Variants in IRX2 observed in about 807,000 individuals in gnomAD.
The protein encoded by IRX2 is iroquois-class homeodomain protein IRX-2.
IRX2 carries 26 observed loss-of-function variants against 42.9 expected under a neutral mutation model. The ratio of observed to expected loss-of-function variants is 0.61; its 90% CI spans 0.44 to 0.84. IRX2 has a LOEUF of 0.84. Ranked by LOEUF, IRX2 falls within the 40% of genes least tolerant of loss-of-function variation. The pLI is 0.00. For missense variants in IRX2, 782 were observed against 713.9 expected (o/e 1.10, Z -1.09); for synonymous variants, 424 against 353.9 (o/e 1.20, Z -2.22).
chr5:2,738,485 A>G, the IRX2 span, among the ~76,000 whole-genome samples: 1 of 151,946 alleles, frequency 6.6e-6, no homozygotes, highest in Admixed American at 6.6e-5. Flanking sequence ...AAGGAGCCTG[A>G]TTCGCCCCCC....
Position 2,746,408 on chromosome 5 carries a change from C to A in IRX2, c.*1156G>T, listed in dbSNP as rs1396342461. 1 of 152,182 alleles carries A rather than the reference C, an allele frequency of 6.6e-6. No individual in the cohort carries two copies. Among genetic ancestry groups the A allele is most frequent in the African/African-American group, 2.4e-5 (1 of 41,450 alleles). 9.4% of individuals were successfully genotyped at this position (152,182 alleles called of 1,614,324 possible). The stretch of plus-strand genomic sequence containing the variant: ...CTGAAGTACTCAAGTTCTTCCATCA[C>A]GTTTTATTTCTACTGTGTACATCTT... On this transcript the variant is annotated 3_prime_UTR_variant, in exon 4 of 4. Coordinates refer to ENST00000302057, the MANE Select transcript of IRX2 (RefSeq NM_033267.5).
At chr5:2,743,550 G>C (rs1737591240), downstream of IRX2, among the ~76,000 whole-genome samples, 1 of 152,192 alleles carries the variant, frequency 6.6e-6, no homozygotes, top group African/African-American at 2.4e-5. Flanking sequence ...CCGGGAGCGC[G>C]CCCAGGCCTG....
At chr5:2,739,878 C>G in the IRX2 span, among the ~76,000 whole-genome samples, 1 of 152,112 alleles carries the variant, frequency 6.6e-6, no homozygotes, top group Admixed American at 6.5e-5. Context: ...GCGGGAGGAA[C>G]CCGATGGGTC....
At chr5:2,739,920 A>C in the IRX2 span, among the ~76,000 whole-genome samples, 1 of 152,242 alleles carries the variant, frequency 6.6e-6, no homozygotes, top group African/African-American at 2.4e-5. Context: ...GGTATAGGGT[A>C]GGACCAGGAA....
At chr5:2,743,552 C>T (rs1192073721), downstream of IRX2, among the ~76,000 whole-genome samples, 1 of 152,170 alleles carries the variant, frequency 6.6e-6, no homozygotes, top group Non-Finnish European at 1.5e-5. Context: ...GGGAGCGCGC[C>T]CAGGCCTGCA....
chr5:2,751,076 C>T lies in IRX2; in HGVS notation c.249+89G>A, dbSNP rs1737945247. ...CAGCCGCGCCACATTCCCGGCGGCC[C>T]CCGCCCGCCGAACCCGAGCCCCGCT... On this transcript the variant is annotated intron_variant, in intron 1 of 3. Coordinates refer to ENST00000302057, the MANE Select transcript of IRX2 (RefSeq NM_033267.5). The surrounding 1 kb of genome is among the most constrained non-coding windows in gnomAD (Gnocchi z 4.0). 1.7e-6 allele frequency: 2 copies of T among 1,177,492 alleles called. No individual in the cohort carries two copies. Among genetic ancestry groups the T allele is most frequent in the Non-Finnish European group, 2.1e-6 (2 of 951,040 alleles). The allele number at this position is 1,177,492 out of a possible 1,614,324, so 72.9% of individuals were successfully genotyped here.
chr5:2,743,972 G>T (rs564157240), downstream of IRX2, among the ~76,000 whole-genome samples: 7 of 152,262 alleles, frequency 4.6e-5, no homozygotes, highest in Admixed American at 4.6e-4. Flanking sequence ...AATTTGTTGG[G>T]CATATAAACA....
chr5:2,751,381 C>G lies in IRX2; in HGVS notation c.33G>C (p.Ala11=). The part of the protein sequence containing the change: MSYPQGYLYQ[A]PGSLALYSCP... The stretch of plus-strand genomic sequence containing the variant: ...ACGAGTAGAGCGCCAGCGAGCCGGG[C>G]GCCTGGTACAGGTAGCCCTGCGGGT... The change falls in exon 1 of 4, where the codon GCG becomes GCC. Residue 11 remains alanine (A), a synonymous_variant. Transcript: ENST00000302057. The surrounding 1 kb of genome is among the most constrained non-coding windows in gnomAD (Gnocchi z 4.0). The G allele has an allele frequency of 7.0e-7, 1 of 1,420,448 alleles. No individual in the cohort carries two copies. Among genetic ancestry groups the G allele is most frequent in the Middle Eastern group, 2.6e-4 (1 of 3,900 alleles). 88.0% of individuals were successfully genotyped at this position (1,420,448 alleles called of 1,614,324 possible). A position where few individuals can be genotyped will look rare whatever the true frequency, so the allele number is the denominator to read the frequency against.
intron 2 of IRX2, 94 bp from the exon 3 acceptor site, chr5:2,749,146 C>T: frequency 6.6e-7 from 1 of 1,511,032 alleles, no homozygotes. Context: ...GGGCCCTCCC[C>T]ACGGGACCCC....
Position 2,749,692 on chromosome 5 carries a change from G to C in IRX2, c.345C>G (p.Pro115=), listed in dbSNP as rs143750618. 1.9e-6 allele frequency: 3 copies of C among 1,614,050 alleles called. No homozygotes were observed. Among genetic ancestry groups the C allele is most frequent in the African/African-American group, 2.7e-5 (2 of 74,938 alleles). Residue 115 remains proline, a synonymous_variant, in exon 2 of 4, where the codon CCC becomes CCG. Coordinates refer to ENST00000302057, the MANE Select transcript of IRX2 (RefSeq NM_033267.5). ...SAAYPYQLND[P]AYRKNATRDA... is the part of the protein sequence containing the mutation. ...CCCGCGTGGCGTTCTTGCGGTACGCGGGGTCGTTGAGCTGGTACGGGTAGG... is the reference window on the plus strand; with the variant it reads ...CCCGCGTGGCGTTCTTGCGGTACGCCGGGTCGTTGAGCTGGTACGGGTAGG...
At chr5:2,740,817 G>C in the IRX2 span, among the ~76,000 whole-genome samples, 2 of 152,202 alleles carry the variant, frequency 1.3e-5, no homozygotes, top group Non-Finnish European at 2.9e-5. Flanking sequence ...TCCAGCACTG[G>C]GAAGGCGACA....
chr5:2,749,078 G>A (rs1389309488), intron 2 of IRX2, 26 bp from the exon 3 acceptor site: 2 of 1,590,948 alleles, frequency 1.3e-6, no homozygotes, highest in African/African-American at 2.7e-5. Context: ...CACGGTGGGT[G>A]GCACGAGGGG....
chr5:2,739,628 C>A, the IRX2 span, among the ~76,000 whole-genome samples: 158 of 152,342 alleles, frequency 1.0e-3, no homozygotes, highest in East Asian at 4.1e-3. Flanking sequence ...GAACCCCCGC[C>A]GCCGTCGCCG....
In IRX2 at chr5:2,748,665, C is replaced by G. The variant is rs746522970; in HGVS notation, c.1043G>C (p.Gly348Ala). ...CGCGGGCAGCCCCGGTGGCCCGCAGCCCGGGCCCAGGCTCGGCTGCTTGAG... is the reference window on the plus strand; with the variant it reads ...CGCGGGCAGCCCCGGTGGCCCGCAGGCCGGGCCCAGGCTCGGCTGCTTGAG... ...SDLKQPSLGP[G>A]CGPPGLPAAA... Residue 348 changes from glycine to alanine, a missense_variant, in exon 3 of 4, where the codon GGC (glycine) becomes GCC (alanine). This residue lies in a region of IRX2 where 520 missense variants were observed against 437.8 expected (regional missense o/e 1.19). Coordinates refer to ENST00000302057, the MANE Select transcript of IRX2 (RefSeq NM_033267.5). 11 of 1,385,038 alleles carry G rather than the reference C, an allele frequency of 7.9e-6. No individual in the cohort carries two copies. The highest frequency in any genetic ancestry group is 1.7e-5 in the South Asian group (1 of 59,066). The allele number at this position is 1,385,038 out of a possible 1,614,324, so 85.8% of individuals were successfully genotyped here. A position where few individuals can be genotyped will look rare whatever the true frequency, so the allele number is the denominator to read the frequency against.
In IRX2 at chr5:2,751,225, C is replaced by A. The variant is rs1737959647; in HGVS notation, c.189G>T (p.Gly63=). ...CGTCGGCCGAGTACTGCAGCGGGCTCCCGAAGCCGGTGGCCGCCTGCGCCG... is the reference window on the plus strand; with the variant it reads ...CGTCGGCCGAGTACTGCAGCGGGCTACCGAAGCCGGTGGCCGCCTGCGCCG... ...AFTAQAATGF[G]SPLQYSADAA... Residue 63 remains glycine (G), a synonymous_variant, in exon 1 of 4, where the codon GGG becomes GGT. Transcript: ENST00000302057. The surrounding 1 kb of genome is among the most constrained non-coding windows in gnomAD (Gnocchi z 4.0). The A allele has an allele frequency of 1.5e-6, 2 of 1,366,710 alleles. No individual in the cohort carries two copies. The highest frequency in any genetic ancestry group is 1.6e-5 in the South Asian group (1 of 62,218). 84.7% of individuals were successfully genotyped at this position (1,366,710 alleles called of 1,614,324 possible).
chr5:2,747,537 T>C lies in IRX2; in HGVS notation c.*27A>G. On this transcript the variant is annotated 3_prime_UTR_variant, in exon 4 of 4. Coordinates refer to ENST00000302057, the MANE Select transcript of IRX2 (RefSeq NM_033267.5). ...GTCTGGGAAGCACCAGGGTGCCCACTTACTTGCATTGCTGTGCTCGGCCCT... is the reference window on the plus strand; with the variant it reads ...GTCTGGGAAGCACCAGGGTGCCCACCTACTTGCATTGCTGTGCTCGGCCCT... 7.5e-6 allele frequency: 12 copies of C among 1,610,148 alleles called. No individual in the cohort carries two copies. Among genetic ancestry groups the C allele is most frequent in the Non-Finnish European group, 9.3e-6 (11 of 1,176,526 alleles).
At chr5:2,747,656 A>G (rs756557522) in intron 3 of IRX2, 40 bp from the exon 4 acceptor site, 3 of 1,606,154 alleles carry the variant, frequency 1.9e-6, no homozygotes, top group African/African-American at 1.3e-5. Flanking sequence ...CCGACCCCAC[A>G]GCCTGCTGGC....
chr5:2,738,958 GC>G, the IRX2 span, among the ~76,000 whole-genome samples: 1 of 152,176 alleles, frequency 6.6e-6, no homozygotes, highest in Non-Finnish European at 1.5e-5. Context: ...TGCCGGGTAG[GC>G]CTACTGTGGG....
intron 1 of IRX2, among the ~76,000 whole-genome samples, chr5:2,750,164 A>C (rs538545508): frequency 6.7e-6 from 1 of 149,948 alleles, no homozygotes; most frequent in East Asian, 2.0e-4. Context: ...GCCTCCCCCT[A>C]CTCCCTCTTC....
Sources: gnomAD v4.1 joint callset for allele counts (sites outside exome capture counted in the v4.1 genomes callset) on GRCh38, gnomAD v4.1.1 for gene constraint, gnomAD v4.1.1 regional missense constraint, Gnocchi (gnomAD v3.1) non-coding constraint, MANE v1.5 for transcripts, NCBI Gene and HGNC (gene_info 2026-07-23, HGNC 2026-07-21) for gene names.